RCN3: variants seen among roughly 807,000 people sequenced by gnomAD.
RCN3 encodes reticulocalbin 3, also known as reticulocalbin-3.
RCN3 carries 41 observed loss-of-function variants against 35.9 expected under a neutral mutation model. The observed-to-expected ratio is 1.14, with a 90% CI of 0.89 to 1.48. The LOEUF is 1.48. RCN3 is among the 40% of genes most tolerant of loss of function. RCN3 has a pLI of 0.00. For synonymous variants in RCN3, 187 were observed against 193.4 expected, an observed-to-expected ratio of 0.97 and a Z score of 0.27; for missense variants, 451 against 471.3, an observed-to-expected ratio of 0.96 and a Z score of 0.40.
chr19:49,537,109 G>A lies in RCN3; in HGVS notation c.522G>A (p.Val174=). Reference sequence around the variant, plus strand: ...CTCGGGACGAGCGGCGTTTCCGGGTGGCCGACCAGGATGGGGACTCGATGG... The same window carrying A: ...CTCGGGACGAGCGGCGTTTCCGGGTAGCCGACCAGGATGGGGACTCGATGG... ...MLARDERRFR[V]ADQDGDSMAT... is the part of the protein sequence containing the mutation. The change falls in exon 4 of 7, where the codon GTG becomes GTA. Residue 174 remains valine, a synonymous_variant. Transcript: ENST00000270645. 6.3e-7 allele frequency: 1 copy of A among 1,598,776 alleles called. No homozygotes were observed. Among genetic ancestry groups the A allele is most frequent in the Non-Finnish European group, 8.5e-7 (1 of 1,171,730 alleles).
At chr19:49,540,554 AG>A (rs1358240302) in intron 5 of RCN3, among the ~76,000 whole-genome samples, 2 of 151,880 alleles carry the variant, frequency 1.3e-5, no homozygotes, top group East Asian at 3.9e-4. Flanking sequence ...CGGGAGGCAA[AG>A]GTTGCAGTGA....
chr19:49,534,058 C>G (rs1342638135), intron 2 of RCN3, 135 bp from the exon 3 acceptor site: 24 of 918,782 alleles, frequency 2.6e-5, no homozygotes, highest in Non-Finnish European at 3.5e-5. Context: ...ACCCGCGCCC[C>G]TCCCCAGTTA....
At position 49,533,133 on chromosome 19, in the gene RCN3, G is replaced by T. The variant is rs548191043; in HGVS notation, c.243-1060G>T. 4.6e-5 allele frequency among the ~76,000 whole-genome samples: 7 copies of T among 152,324 alleles called. No homozygotes were observed. In the South Asian group the frequency reaches 1.5e-3, roughly 32 times the overall value. ...GTCACACAGCCAGTAAGAGGAAGTG[G>T]CTGGATTTGGACCTAAAATGTCTGG... is the stretch of plus-strand genomic sequence containing the variant. On this transcript the variant is annotated intron_variant, in intron 2 of 6. Coordinates refer to ENST00000270645, the MANE Select transcript of RCN3 (RefSeq NM_020650.3).
intron 3 of RCN3, among the ~76,000 whole-genome samples, chr19:49,536,770 G>A (rs987290459): frequency 1.3e-5 from 2 of 149,906 alleles, no homozygotes; most frequent in South Asian, 2.1e-4. Flanking sequence ...CACCATGCCC[G>A]GCTAAGTATT....
At chr19:49,531,832 G>A (rs1253306030) in intron 2 of RCN3, among the ~76,000 whole-genome samples, 7 of 152,066 alleles carry the variant, frequency 4.6e-5, no homozygotes, top group Admixed American at 1.3e-4. Context: ...ACGCAGTCTC[G>A]CTCTGTCTCC....
chr19:49,542,083 G>GA (rs2080165431), intron 5 of RCN3, among the ~76,000 whole-genome samples: 1 of 150,844 alleles, frequency 6.6e-6, no homozygotes, highest in Non-Finnish European at 1.5e-5. Flanking sequence ...AAAATTTGTA[G>GA]AAACAGGGTC....
At chr19:49,541,529 A>C (rs2080162928) in intron 5 of RCN3, among the ~76,000 whole-genome samples, 1 of 152,148 alleles carries the variant, frequency 6.6e-6, no homozygotes, top group African/African-American at 2.4e-5. Flanking sequence ...TGGGTGGATC[A>C]CTTGAGGTCA....
At chr19:49,537,228 T>A in intron 4 of RCN3, 23 bp downstream of exon 4, 1 of 1,481,684 alleles carries the variant, frequency 6.7e-7, no homozygotes, top group South Asian at 1.3e-5. Flanking sequence ...TGGGGAACCC[T>A]GTCCCCCACA....
chr19:49,531,262 T>A (rs1179450620), intron 2 of RCN3, among the ~76,000 whole-genome samples: 1 of 152,110 alleles, frequency 6.6e-6, no homozygotes, highest in East Asian at 1.9e-4. Flanking sequence ...AAGGCTGCAG[T>A]GAGCCAAAAT....
intron 3 of RCN3, among the ~76,000 whole-genome samples, chr19:49,535,865 T>TAG (rs1355882440): frequency 9.1e-5 from 13 of 142,400 alleles, no homozygotes; most frequent in African/African-American, 3.5e-4. Context: ...AAAAAAAATA[T>TAG]ATATATATAT....
intron 5 of RCN3, among the ~76,000 whole-genome samples, chr19:49,540,088 T>C (rs1307320192): frequency 1.3e-5 from 2 of 152,170 alleles, no homozygotes; most frequent in African/African-American, 4.8e-5. Flanking sequence ...ACATCCTACA[T>C]GAGAAAACAT....
At chr19:49,535,697 A>G (rs2080130401) in intron 3 of RCN3, among the ~76,000 whole-genome samples, 1 of 151,862 alleles carries the variant, frequency 6.6e-6, no homozygotes. Flanking sequence ...CCACAAAAAA[A>G]TACTTAGCTG....
chr19:49,542,403 A>G, intron 5 of RCN3, 150 bp from the exon 6 acceptor site: 2 of 581,824 alleles, frequency 3.4e-6, no homozygotes, highest in South Asian at 4.5e-5. Flanking sequence ...TACTAATTCC[A>G]TCGAAACAGA....
chr19:49,537,038 G>T lies in RCN3; in HGVS notation c.451G>T (p.Glu151Ter). 6.5e-7 allele frequency: 1 copy of T among 1,533,638 alleles called. No individual in the cohort carries two copies. The highest frequency in any genetic ancestry group is 8.8e-7 in the Non-Finnish European group (1 of 1,135,928). Residue 151 changes from glutamate (E) to a stop codon, truncating the protein, a stop_gained, in exon 4 of 7, where the codon GAA (glutamate) becomes TAA (stop). Coordinates refer to ENST00000270645, the MANE Select transcript of RCN3 (RefSeq NM_020650.3). LOFTEE classifies it high-confidence loss of function. The stretch of plus-strand genomic sequence containing the variant: ...TGAGACCTGTCCTTCCCCAGGTGAA[G>T]AATTTCATGACGTGGAGGATGCAGA... Reference protein sequence around the residue: ...ATYGHYAPGEEFHDVEDAETY... With the variant: ...ATYGHYAPGE
intron 3 of RCN3, 49 bp from the exon 4 acceptor site, chr19:49,536,984 G>C: frequency 7.0e-7 from 1 of 1,435,768 alleles, no homozygotes; most frequent in Non-Finnish European, 9.3e-7. Context: ...TAACCTGCTT[G>C]GCGTTTCCTC....
At position 49,537,080 on chromosome 19, in the gene RCN3, C is replaced by A; in HGVS notation, c.493C>A (p.Leu165Met). 4 of 1,582,804 alleles carry A rather than the reference C, an allele frequency of 2.5e-6. No individual in the cohort carries two copies. The highest frequency in any genetic ancestry group is 2.3e-5 in the South Asian group (2 of 87,818). Reference sequence around the variant, plus strand: ...GGATGCAGAGACCTACAAAAAGATGCTGGCTCGGGACGAGCGGCGTTTCCG... The same window carrying A: ...GGATGCAGAGACCTACAAAAAGATGATGGCTCGGGACGAGCGGCGTTTCCG... ...VEDAETYKKM[L>M]ARDERRFRVA... Residue 165 changes from leucine to methionine, a missense_variant, in exon 4 of 7, where the codon CTG becomes ATG. Coordinates refer to ENST00000270645, the MANE Select transcript of RCN3 (RefSeq NM_020650.3).
intron 3 of RCN3, 82 bp downstream of exon 3, chr19:49,534,477 C>T (rs1186402047): frequency 2.1e-6 from 3 of 1,430,528 alleles, no homozygotes; most frequent in Non-Finnish European, 2.8e-6. Flanking sequence ...AACCCTGAAC[C>T]CATTTACCCG....
rs1601215038 is a variant in RCN3 at position 49,537,148 on chromosome 19, G to A, written c.561G>A (p.Glu187=). The A allele has an allele frequency of 9.4e-6, 15 of 1,592,500 alleles. No homozygotes were observed. The highest frequency in any genetic ancestry group is 1.2e-5 in the Non-Finnish European group (14 of 1,168,448). Residue 187 remains glutamate (E), a synonymous_variant, in exon 4 of 7, where the codon GAG becomes GAA. Transcript: ENST00000270645. ...GGGACTCGATGGCCACTCGAGAGGA[G>A]CTGACAGCCTTCCTGCACCCCGAGG... ...QDGDSMATRE[E]LTAFLHPEEF...
chr19:49,540,244 C>G (rs763347288), intron 5 of RCN3, among the ~76,000 whole-genome samples: 36 of 152,078 alleles, frequency 2.4e-4, no homozygotes, highest in Non-Finnish European at 4.6e-4. Context: ...CTCCTGGGCT[C>G]AAGCAATCTT....
Sources: allele counts gnomAD v4.1 joint callset (sites outside exome capture counted in the v4.1 genomes callset), GRCh38; gene constraint gnomAD v4.1.1; transcripts MANE v1.5; gene names NCBI Gene and HGNC (gene_info 2026-07-23, HGNC 2026-07-21).